NNT: variants seen among roughly 807,000 people sequenced by gnomAD.
The protein encoded by NNT is NAD(P) transhydrogenase, mitochondrial.
A neutral mutation model predicts 104.8 loss-of-function variants in NNT; 50 were observed. That is an observed-to-expected ratio of 0.48 (90% CI 0.38 to 0.60). NNT has a LOEUF of 0.60. NNT is among the 20% of genes least tolerant of loss of function. NNT has a pLI of 0.00. For synonymous variants in NNT, 461 were observed against 490.4 expected, an observed-to-expected ratio of 0.94 and a Z score of 0.79; for missense variants, 1,131 against 1,330.7, an observed-to-expected ratio of 0.85 and a Z score of 2.33.
At chr5:43,700,640 T>C (rs1302636272) in intron 20 of NNT, among the ~76,000 whole-genome samples, 1 of 152,208 alleles carries the variant, frequency 6.6e-6, no homozygotes, top group Non-Finnish European at 1.5e-5. Context: ...GTCTCTGAGA[T>C]TTTACTGGTT....
intron 3 of NNT, among the ~76,000 whole-genome samples, chr5:43,614,006 T>C (rs377378915): frequency 6.6e-6 from 1 of 152,172 alleles, no homozygotes; most frequent in Admixed American, 6.5e-5. Context: ...ATAGTAAAAT[T>C]TGTGGCATGG....
At chr5:43,675,162 A>C (rs1250397831) in intron 17 of NNT, among the ~76,000 whole-genome samples, 19 of 152,176 alleles carry the variant, frequency 1.2e-4, no homozygotes. Flanking sequence ...TTCAGCTGAG[A>C]GATAAAATTG....
At chr5:43,669,179 G>T (rs1188728645) in intron 17 of NNT, among the ~76,000 whole-genome samples, 3 of 151,938 alleles carry the variant, frequency 2.0e-5, no homozygotes, top group African/African-American at 7.3e-5. Flanking sequence ...GGAGATTTTG[G>T]GCTGAGACAA....
chr5:43,681,318 A>G (rs1561319088), intron 19 of NNT, among the ~76,000 whole-genome samples: 1 of 150,138 alleles, frequency 6.7e-6, no homozygotes, highest in East Asian at 2.0e-4. Flanking sequence ...TTACTGCTTG[A>G]TTTTCTTTCT....
intron 17 of NNT, among the ~76,000 whole-genome samples, chr5:43,666,392 A>G (rs1465027927): frequency 6.6e-6 from 1 of 152,172 alleles, no homozygotes; most frequent in Non-Finnish European, 1.5e-5. Flanking sequence ...GGAGCTGGAG[A>G]CCAGCCCGGC....
intron 7 of NNT, among the ~76,000 whole-genome samples, chr5:43,629,155 C>T (rs1052066069): frequency 1.3e-5 from 2 of 152,016 alleles, no homozygotes; most frequent in Non-Finnish European, 2.9e-5. Context: ...CCCTCACCCC[C>T]CCTCCCACTC....
At chr5:43,649,023 T>G in intron 10 of NNT, 124 bp from the exon 11 acceptor site, 1 of 1,112,368 alleles carries the variant, frequency 9.0e-7, no homozygotes, top group South Asian at 1.5e-5. Context: ...AAAAATCTGC[T>G]CATTACTGGC....
intron 3 of NNT, among the ~76,000 whole-genome samples, chr5:43,613,841 A>C (rs773855764): frequency 1.3e-5 from 2 of 152,136 alleles, no homozygotes; most frequent in African/African-American, 4.8e-5. Flanking sequence ...TTTTCAGGAG[A>C]TACAGCTTTT....
At chr5:43,611,143 A>G (rs1362279331) in intron 2 of NNT, among the ~76,000 whole-genome samples, 1 of 143,408 alleles carries the variant, frequency 7.0e-6, no homozygotes, top group Non-Finnish European at 1.5e-5. Context: ...TTGTTCAAAG[A>G]GTGATCCAAA....
intron 2 of NNT, among the ~76,000 whole-genome samples, chr5:43,610,239 T>G (rs1749434592): frequency 6.7e-6 from 1 of 150,074 alleles, no homozygotes; most frequent in South Asian, 2.1e-4. Flanking sequence ...GCAGCAAGAT[T>G]TATTGCAAAG....
chr5:43,619,013 T>C lies in NNT; in HGVS notation c.600-19T>C, dbSNP rs1411701791. On this transcript the variant is annotated intron_variant, in intron 4 of 21. Transcript: ENST00000344920. ...CCTTTTATGGAATTATTTATTTATT[T>C]ATTTATTTATTTTTAAAGTTATAAG... 7.6e-7 allele frequency: 1 copy of C among 1,317,656 alleles called. No homozygotes were observed. The highest frequency in any genetic ancestry group is 2.7e-5 in the East Asian group (1 of 37,166). The allele number at this position is 1,317,656 out of a possible 1,614,324, so 81.6% of individuals were successfully genotyped here.
intron 19 of NNT, among the ~76,000 whole-genome samples, chr5:43,699,903 T>A (rs992742597): frequency 1.3e-5 from 2 of 152,232 alleles, no homozygotes; most frequent in Non-Finnish European, 2.9e-5. Flanking sequence ...AGGGAAGTTA[T>A]AGTTTCTGCA....
At chr5:43,665,940 C>T (rs1740635549) in intron 17 of NNT, among the ~76,000 whole-genome samples, 1 of 151,506 alleles carries the variant, frequency 6.6e-6, no homozygotes, top group African/African-American at 2.4e-5. Context: ...AAAGACGCTC[C>T]TCAGTTCCCA....
At chr5:43,652,629 T>C (rs1420603787) in intron 13 of NNT, among the ~76,000 whole-genome samples, 2 of 152,096 alleles carry the variant, frequency 1.3e-5, no homozygotes, top group East Asian at 3.9e-4. Flanking sequence ...GGAGAAAATA[T>C]GCAACTTCTT....
At chr5:43,620,483 G>A (rs1353483612) in intron 5 of NNT, among the ~76,000 whole-genome samples, 3 of 152,058 alleles carry the variant, frequency 2.0e-5, no homozygotes, top group Admixed American at 6.5e-5. Context: ...GCCTCCCGAA[G>A]TGCTGGGATT....
In NNT at chr5:43,659,266, C is replaced by A. The variant is rs375479803; in HGVS notation, c.2550C>A (p.Gly850=). 1.4e-4 allele frequency: 231 copies of A among 1,613,894 alleles called. No homozygotes were observed. Among genetic ancestry groups the A allele is most frequent in the Non-Finnish European group, 1.9e-4 (221 of 1,180,006 alleles). Residue 850 remains glycine (G), a synonymous_variant, in exon 17 of 22, where the codon GGC becomes GGA. Transcript: ENST00000344920. ...SYSGWALCAE[G]FLLNNNLLTI... ...CAGGCTGGGCCCTGTGTGCAGAGGGCTTCCTGCTCAACAACAATCTGCTGA... is the reference window on the plus strand; with the variant it reads ...CAGGCTGGGCCCTGTGTGCAGAGGGATTCCTGCTCAACAACAATCTGCTGA...
At chr5:43,677,861 A>G (rs1181739848) in intron 19 of NNT, 55 bp downstream of exon 19, 1 of 1,372,636 alleles carries the variant, frequency 7.3e-7, no homozygotes, top group South Asian at 1.2e-5. Context: ...GTGTGTGGAG[A>G]AAAGGAAATA....
chr5:43,669,686 T>C (rs947546588), intron 17 of NNT, among the ~76,000 whole-genome samples: 2 of 152,056 alleles, frequency 1.3e-5, no homozygotes, highest in Admixed American at 6.5e-5. Context: ...GGTTTGTGAG[T>C]GTTTTATTGA....
rs1457376191 is a variant in NNT, at chr5:43,705,381, A to G, written c.*977A>G. 6.6e-6 allele frequency: 1 copy of G among 152,050 alleles called. No individual in the cohort carries two copies. The highest frequency in any genetic ancestry group is 1.5e-5 in the Non-Finnish European group (1 of 67,972). 9.4% of individuals were successfully genotyped at this position (152,050 alleles called of 1,614,324 possible). A position where few individuals can be genotyped will look rare whatever the true frequency, so the allele number is the denominator to read the frequency against. On this transcript the variant is annotated 3_prime_UTR_variant, in exon 22 of 22. Transcript: ENST00000344920. ...ATACGGATGGATTTTTTTTCAAATC[A>G]GTGTGTGTTTTGAGGTCTTATGTAA...
Sources: allele counts gnomAD v4.1 joint callset (sites outside exome capture counted in the v4.1 genomes callset), GRCh38; gene constraint gnomAD v4.1.1; transcripts MANE v1.5; gene names NCBI Gene and HGNC (gene_info 2026-07-23, HGNC 2026-07-21).